SYNE1: variants seen among roughly 807,000 people sequenced by gnomAD.
The protein encoded by SYNE1 is nesprin-1.
Under a neutral mutation model 1,111.0 loss-of-function variants are expected in SYNE1, and 616 were observed. The ratio of observed to expected loss-of-function variants is 0.55; its 90% CI spans 0.52 to 0.59. The LOEUF (loss-of-function observed/expected upper bound fraction) is 0.59. Ranked by LOEUF, SYNE1 falls within the 20% of genes least tolerant of loss-of-function variation. SYNE1 has a pLI of 0.00. For missense variants in SYNE1, 10,006 were observed against 10,417.0 expected (o/e 0.96, Z 1.72); for synonymous variants, 3,855 against 3,825.8 (o/e 1.01, Z -0.28).
At chr6:152,512,315 G>A (rs571833491) in intron 6 of SYNE1, among the ~76,000 whole-genome samples, 1 of 152,116 alleles carries the variant, frequency 6.6e-6, no homozygotes, top group Admixed American at 6.6e-5. Context: ...TTACAAACTT[G>A]TATATCTACT....
rs1417800997 is a variant in SYNE1, at chr6:152,520,508, T to TG, written c.259dup (p.His87ProfsTer5). The TG allele has an allele frequency of 6.2e-7, 1 of 1,613,696 alleles. No individual in the cohort carries two copies. The highest frequency in any genetic ancestry group is 8.5e-7 in the Non-Finnish European group (1 of 1,179,728). ...TGCCGTGCCAATGTTAGCCACAGCA[T>TG]GGATTCGCTTCATCCGGCGTCCTTG... On this transcript the variant is annotated frameshift_variant, in exon 6 of 146. Coordinates refer to ENST00000367255, the MANE Select transcript of SYNE1 (RefSeq NM_182961.4). LOFTEE classifies it high-confidence loss of function.
chr6:152,508,033 A>G (rs1171084309), intron 8 of SYNE1, among the ~76,000 whole-genome samples: 1 of 152,192 alleles, frequency 6.6e-6, no homozygotes, highest in African/African-American at 2.4e-5. Flanking sequence ...TCCAAACTAG[A>G]GTCCCACGAA....
At position 152,427,529 on chromosome 6, in the gene SYNE1, T is replaced by C. The variant is rs554111649; in HGVS notation, c.5100+164A>G. On this transcript the variant is annotated intron_variant, in intron 38 of 145. Coordinates refer to ENST00000367255, the MANE Select transcript of SYNE1 (RefSeq NM_182961.4). ...AGTTTCTCTCCCTTTCAGGTCATGG[T>C]TGCTTTCTTCTTTTTGGAACACCCT... The C allele has an allele frequency of 2.3e-4, 177 of 783,914 alleles. 1 individual carries two copies. The East Asian group carries it at 4.6e-3, about 21-fold the overall frequency. 48.6% of individuals were successfully genotyped at this position (783,914 alleles called of 1,614,324 possible).
intron 5 of SYNE1, 141 bp downstream of exon 5, chr6:152,525,939 G>A (rs1243577733): frequency 6.8e-6 from 5 of 738,052 alleles, no homozygotes; most frequent in Non-Finnish European, 9.6e-6. Flanking sequence ...AGAAGTGCCA[G>A]CAGTGTTTCC....
chr6:152,269,389 G>T, intron 98 of SYNE1, 103 bp from the exon 99 acceptor site: 1 of 1,580,462 alleles, frequency 6.3e-7, no homozygotes, highest in Non-Finnish European at 8.6e-7. Context: ...TGATACCAAA[G>T]TGGCTCCACT....
At chr6:152,157,926 T>A (rs2061693326) in intron 131 of SYNE1, among the ~76,000 whole-genome samples, 1 of 151,992 alleles carries the variant, frequency 6.6e-6, no homozygotes, top group African/African-American at 2.4e-5. Flanking sequence ...GCCTGGCTAA[T>A]TTTTGTGTTT....
intron 3 of SYNE1, among the ~76,000 whole-genome samples, chr6:152,603,841 C>CATATATGTATAGATAGATAGA (rs1430359348): frequency 2.2e-5 from 3 of 133,614 alleles, no homozygotes; most frequent in Non-Finnish European, 4.8e-5. Flanking sequence ...TACTATCTAT[C>CATATATGTATAGATAGATAGA]TATACATATA....
At chr6:152,175,241 C>T (rs915377304) in intron 130 of SYNE1, among the ~76,000 whole-genome samples, 1 of 152,050 alleles carries the variant, frequency 6.6e-6, no homozygotes, top group African/African-American at 2.4e-5. Context: ...TACATTTATT[C>T]CATTTTGTTT....
At chr6:152,408,945 ACT>A in intron 44 of SYNE1, 121 bp downstream of exon 44, 3 of 1,011,938 alleles carry the variant, frequency 3.0e-6, no homozygotes, top group Non-Finnish European at 4.4e-6. Context: ...CAAGAGTGAA[ACT>A]CTGTCTCCAA....
chr6:152,293,253 T>A (rs1331722335), intron 95 of SYNE1, among the ~76,000 whole-genome samples: 1 of 152,158 alleles, frequency 6.6e-6, no homozygotes, highest in African/African-American at 2.4e-5. Context: ...CAACAATGGC[T>A]CACAACAAAA....
intron 5 of SYNE1, among the ~76,000 whole-genome samples, chr6:152,521,163 C>A (rs552942355): frequency 8.5e-5 from 13 of 152,344 alleles, no homozygotes; most frequent in African/African-American, 3.1e-4. Context: ...TTGAGACCTA[C>A]TTTTCCACAT....
chr6:152,152,046 T>C lies in SYNE1; in HGVS notation c.24225A>G (p.Ala8075=), dbSNP rs910415. The change falls in exon 134 of 146, where the codon GCA becomes GCG. Residue 8075 remains alanine, a synonymous_variant. Coordinates refer to ENST00000367255, the MANE Select transcript of SYNE1 (RefSeq NM_182961.4). Reference sequence around the variant, plus strand: ...CGTGAACCATCTGTTTGAGGCTACATGCTGAATCAGTGCGGTTCTCCCTGG... The same window carrying C: ...CGTGAACCATCTGTTTGAGGCTACACGCTGAATCAGTGCGGTTCTCCCTGG... The part of the protein sequence containing the change: ...RLARENRTDS[A]CSLKQMVHEG... 67,162 of 1,614,170 alleles carry C rather than the reference T, an allele frequency of 0.042. 1,608 individuals are homozygous for C. The highest frequency in any genetic ancestry group is 0.062 in the African/African-American group (4,625 of 75,030).
intron 2 of SYNE1, among the ~76,000 whole-genome samples, chr6:152,630,043 A>T (rs1475676934): frequency 2.0e-5 from 3 of 152,180 alleles, no homozygotes; most frequent in Non-Finnish European, 4.4e-5. Flanking sequence ...TTTATTTTAA[A>T]ATGGCATTAC....
rs377531174 is a variant in SYNE1, at chr6:152,407,088, C to T, written c.6649G>A (p.Val2217Ile). ...CTGATGTTTTCTGCCATCTGTGGAA[C>T]GCAGTTGTTTGACCATCCCTCAATC... ...DEIEGWSNNC[V>I]PQMAENISNL... Residue 2217 changes from valine to isoleucine, a missense_variant, in exon 45 of 146, where the codon GTT (valine) becomes ATT (isoleucine). This residue lies in a region of SYNE1 where 4,955 missense variants were observed against 5,017.2 expected (regional missense o/e 0.99). Transcript: ENST00000367255. The T allele has an allele frequency of 5.1e-5, 82 of 1,613,862 alleles. No homozygotes were observed. Among genetic ancestry groups the T allele is most frequent in the East Asian group, 2.0e-4 (9 of 44,852 alleles).
intron 101 of SYNE1, among the ~76,000 whole-genome samples, chr6:152,258,944 C>T (rs936757332): frequency 6.6e-6 from 1 of 152,034 alleles, no homozygotes; most frequent in Admixed American, 6.6e-5. Flanking sequence ...AGGATTTCCC[C>T]ATGTTGGCCA....
At chr6:152,523,492 C>T (rs2099150220) in intron 5 of SYNE1, among the ~76,000 whole-genome samples, 1 of 151,972 alleles carries the variant, frequency 6.6e-6, no homozygotes, top group South Asian at 2.1e-4. Flanking sequence ...TAATGTGATG[C>T]CTCAAATTGT....
chr6:152,180,132 A>C lies in SYNE1; in HGVS notation c.23460+4T>G. On this transcript the variant is annotated splice_donor_region_variant and intron_variant, in intron 129 of 145. Coordinates refer to ENST00000367255, the MANE Select transcript of SYNE1 (RefSeq NM_182961.4). ...GAAAACCTAAGTAGCCATGCATTCC[A>C]TACCTTCTTGAGCTTCTCTATCATT... The C allele has an allele frequency of 6.2e-7, 1 of 1,614,112 alleles. No homozygotes were observed. Among genetic ancestry groups the C allele is most frequent in the Non-Finnish European group, 8.5e-7 (1 of 1,180,000 alleles).
intron 130 of SYNE1, among the ~76,000 whole-genome samples, chr6:152,172,404 T>C (rs1211865495): frequency 6.6e-6 from 1 of 152,156 alleles, no homozygotes; most frequent in Non-Finnish European, 1.5e-5. Flanking sequence ...AACTAAAGGA[T>C]GCTTTTGCCT....
In SYNE1 at chr6:152,194,893, T is replaced by G. The variant is rs555502690; in HGVS notation, c.23146-5486A>C. Among the ~76,000 whole-genome samples, 3 of 152,292 alleles carry G rather than the reference T, an allele frequency of 2.0e-5. No homozygotes were observed. The South Asian group carries it at 6.2e-4, about 32-fold the overall frequency. ...TAATTTATCTGATATGATTCTGAAT[T>G]CATTCTGTGTTTTCTTACATTTATT... On this transcript the variant is annotated intron_variant, in intron 127 of 145. Transcript: ENST00000367255.
Sources: allele counts gnomAD v4.1 joint callset (sites outside exome capture counted in the v4.1 genomes callset), GRCh38; gene constraint gnomAD v4.1.1; regional missense constraint gnomAD v4.1.1; transcripts MANE v1.5; gene names NCBI Gene and HGNC (gene_info 2026-07-23, HGNC 2026-07-21).